Variants in LETM1 observed in about 807,000 individuals in gnomAD.
LETM1 encodes the protein mitochondrial proton/calcium exchanger protein.
LETM1 carries 50 observed loss-of-function variants against 74.5 expected under a neutral mutation model. That is an observed-to-expected ratio of 0.67 (90% confidence interval 0.53 to 0.85). The LOEUF is 0.85. LETM1 is among the 40% of genes least tolerant of loss of function. The probability of loss-of-function intolerance (pLI) is 0.00; values close to 1 mark genes in which losing one functional copy is unlikely to be tolerated. For synonymous variants in LETM1, 446 were observed against 407.1 expected (o/e 1.10, Z -1.15); for missense variants, 824 against 967.8 (o/e 0.85, Z 1.97).
chr4:1,843,381 T>C (rs899878987), intron 2 of LETM1, among the ~76,000 whole-genome samples: 6 of 152,220 alleles, frequency 3.9e-5, no homozygotes, highest in African/African-American at 1.4e-4. Context: ...CAGATGGGGA[T>C]CCTCGGCTTG....
At chr4:1,848,874 C>T (rs1455108619) in intron 2 of LETM1, among the ~76,000 whole-genome samples, 1 of 152,058 alleles carries the variant, frequency 6.6e-6, no homozygotes, top group Non-Finnish European at 1.5e-5. Context: ...AATTAAATTC[C>T]ATTTAATTCC....
At chr4:1,826,510 C>T (rs549310620) in intron 6 of LETM1, among the ~76,000 whole-genome samples, 2 of 152,352 alleles carry the variant, frequency 1.3e-5, no homozygotes, top group South Asian at 2.1e-4. Flanking sequence ...CCCCAGCTCC[C>T]GGTGCTGCCC....
At chr4:1,819,622 T>C in intron 10 of LETM1, 150 bp from the exon 11 acceptor site, 1 of 826,580 alleles carries the variant, frequency 1.2e-6, no homozygotes, top group East Asian at 2.8e-5. Context: ...CCCGCGGGGT[T>C]CAGGTTCACT....
intron 6 of LETM1, among the ~76,000 whole-genome samples, chr4:1,826,802 T>C (rs1215850071): frequency 6.6e-6 from 1 of 152,240 alleles, no homozygotes; most frequent in East Asian, 1.9e-4. Context: ...TGGCCTCCGT[T>C]TGATTTCGCT....
chr4:1,841,513 G>A lies in LETM1; in HGVS notation c.428C>T (p.Pro143Leu). Residue 143 changes from proline to leucine, a missense_variant, in exon 3 of 14, where the codon CCC (proline) becomes CTC (leucine). This residue lies in a region of LETM1 where 222 missense variants were observed against 195.6 expected (regional missense o/e 1.14). Coordinates refer to ENST00000302787, the MANE Select transcript of LETM1 (RefSeq NM_012318.3). The part of the protein sequence containing the change: ...KLEEGGPVYS[P>L]PAEVVVKKSL... ...CTTCTTCACCACCACCTCTGCGGGG[G>A]GGCTGTACACCGGGCCGCCTTCCTC... 1 of 1,614,210 alleles carries A rather than the reference G, an allele frequency of 6.2e-7. No individual in the cohort carries two copies. Among genetic ancestry groups the A allele is most frequent in the Non-Finnish European group, 8.5e-7 (1 of 1,180,046 alleles).
chr4:1,818,951 G>A (rs752972651), intron 11 of LETM1, among the ~76,000 whole-genome samples: 2 of 152,076 alleles, frequency 1.3e-5, no homozygotes, highest in African/African-American at 2.4e-5. Flanking sequence ...GGGCATGGTG[G>A]CACATGTTTA....
chr4:1,853,170 C>T (rs1713122271), intron 1 of LETM1, among the ~76,000 whole-genome samples: 2 of 151,986 alleles, frequency 1.3e-5, no homozygotes, highest in South Asian at 2.1e-4. Flanking sequence ...CTGTTGTCCC[C>T]AGGCGGCTCA....
In LETM1 at chr4:1,812,965, C is replaced by A. The variant is rs1353076893; in HGVS notation, c.*1459G>T. ...CTCACAGGAGAGGCGTCTGCACACACCTGGCAACTGCAAGACTTGTTCTCA... is the reference window on the plus strand; with the variant it reads ...CTCACAGGAGAGGCGTCTGCACACAACTGGCAACTGCAAGACTTGTTCTCA... On this transcript the variant is annotated 3_prime_UTR_variant, in exon 14 of 14. Coordinates refer to ENST00000302787, the MANE Select transcript of LETM1 (RefSeq NM_012318.3). The A allele has an allele frequency of 2.6e-5, 4 of 152,392 alleles. No individual in the cohort carries two copies. Among genetic ancestry groups the A allele is most frequent in the Admixed American group, 1.3e-4 (2 of 15,290 alleles). 9.4% of individuals were successfully genotyped at this position (152,392 alleles called of 1,614,324 possible).
At chr4:1,828,322 G>A (rs1712091767) in intron 6 of LETM1, among the ~76,000 whole-genome samples, 4 of 123,188 alleles carry the variant, frequency 3.2e-5, no homozygotes, top group Non-Finnish European at 5.2e-5. Flanking sequence ...GGCCGGGCAG[G>A]GGGGCTGACC....
chr4:1,822,016 C>A (rs572052130), intron 10 of LETM1, among the ~76,000 whole-genome samples, 165 bp downstream of exon 10: 1 of 152,302 alleles, frequency 6.6e-6, no homozygotes, highest in South Asian at 2.1e-4. Context: ...AACCACCAAG[C>A]CTCCTAGGGG....
chr4:1,830,129 T>C (rs1460858166), intron 6 of LETM1, among the ~76,000 whole-genome samples: 5 of 152,228 alleles, frequency 3.3e-5, no homozygotes, highest in Admixed American at 6.5e-5. Context: ...ACACAGATGG[T>C]TGACACTTGC....
At chr4:1,848,009 T>A (rs78385605) in intron 2 of LETM1, among the ~76,000 whole-genome samples, 1,278 of 122,810 alleles carry the variant, frequency 0.01, 10 homozygotes, top group Middle Eastern at 0.068. Context: ...AAAATAAAAA[T>A]AAAAAAAAAA....
intron 2 of LETM1, among the ~76,000 whole-genome samples, chr4:1,842,845 T>C (rs1712750208): frequency 6.6e-6 from 1 of 152,220 alleles, no homozygotes; most frequent in African/African-American, 2.4e-5. Flanking sequence ...GACCATCATC[T>C]GACCGCAGCG....
chr4:1,834,653 C>G lies in LETM1; in HGVS notation c.876+192G>C, dbSNP rs1175526515. On this transcript the variant is annotated intron_variant, in intron 5 of 13. Transcript: ENST00000302787. This position sits in a 1 kb window ranked among gnomAD's most constrained non-coding sequence, Gnocchi z 5.0. The stretch of plus-strand genomic sequence containing the variant: ...GGCTGACGAGGCGCAGCCACCACAG[C>G]TTAACTCACTGGGAGCTCGTGGGGG... 1 of 1,423,342 alleles carries G rather than the reference C, an allele frequency of 7.0e-7. No individual in the cohort carries two copies. The highest frequency in any genetic ancestry group is 9.2e-7 in the Non-Finnish European group (1 of 1,092,096). 88.2% of individuals were successfully genotyped at this position (1,423,342 alleles called of 1,614,324 possible).
At chr4:1,826,369 C>T (rs1344352297) in intron 6 of LETM1, among the ~76,000 whole-genome samples, 1 of 152,244 alleles carries the variant, frequency 6.6e-6, no homozygotes, top group African/African-American at 2.4e-5. Context: ...CTTGACGTAA[C>T]TGTGGACACA....
intron 6 of LETM1, among the ~76,000 whole-genome samples, chr4:1,828,349 C>T (rs867313159): frequency 2.1e-4 from 25 of 117,240 alleles, no homozygotes; most frequent in Non-Finnish European, 2.9e-4. Context: ...ACCTCCCTCC[C>T]GGACGGGGCG....
Position 1,812,534 on chromosome 4 carries a change from T to C in LETM1, c.*1890A>G, listed in dbSNP as rs1188838986. The C allele has an allele frequency of 2.0e-5, 3 of 152,194 alleles. No individual in the cohort carries two copies. Among genetic ancestry groups the C allele is most frequent in the African/African-American group, 7.2e-5 (3 of 41,382 alleles). The allele number at this position is 152,194 out of a possible 1,614,324, so 9.4% of individuals were successfully genotyped here. A position where few individuals can be genotyped will look rare whatever the true frequency, so the allele number is the denominator to read the frequency against. On this transcript the variant is annotated 3_prime_UTR_variant, in exon 14 of 14. Transcript: ENST00000302787. ...CTGGGCAGGTGTAAGAAAGGACTGT[T>C]TTAAGAAGCTTATTACACAAAGCTC... is the stretch of plus-strand genomic sequence containing the variant.
intron 2 of LETM1, 89 bp downstream of exon 2, chr4:1,849,060 C>T: frequency 8.1e-6 from 7 of 862,802 alleles, no homozygotes; most frequent in Non-Finnish European, 1.4e-5. Flanking sequence ...CACTGTTTCC[C>T]TCAAAAATCA....
At chr4:1,815,902 G>GTGT in intron 12 of LETM1, 100 bp from the exon 13 acceptor site, 1 of 1,461,714 alleles carries the variant, frequency 6.8e-7, no homozygotes, top group Non-Finnish European at 9.4e-7. Context: ...ACTGACACAG[G>GTGT]CGGCTCCGCG....
Sources: gnomAD v4.1 joint callset for allele counts (sites outside exome capture counted in the v4.1 genomes callset) on GRCh38, gnomAD v4.1.1 for gene constraint, gnomAD v4.1.1 regional missense constraint, Gnocchi (gnomAD v3.1) non-coding constraint, MANE v1.5 for transcripts, NCBI Gene and HGNC (gene_info 2026-07-23, HGNC 2026-07-21) for gene names.